Variants in BCAS4 observed in about 807,000 individuals in gnomAD.
BCAS4 encodes breast carcinoma amplified sequence 4.
BCAS4 carries 9 observed loss-of-function variants against 15.7 expected under a neutral mutation model. That is an observed-to-expected ratio of 0.57 (90% CI 0.34 to 1.00). The LOEUF is 1.00. BCAS4 is among the 50% of genes least tolerant of loss of function. BCAS4 has a pLI of 0.02. For synonymous variants in BCAS4, 101 were observed against 99.5 expected, an observed-to-expected ratio of 1.02 and a Z score of -0.09; for missense variants, 225 against 239.1, an observed-to-expected ratio of 0.94 and a Z score of 0.39.
chr20:50,860,614 G>C (rs945644403), intron 4 of BCAS4, among the ~76,000 whole-genome samples: 1 of 152,182 alleles, frequency 6.6e-6, no homozygotes, highest in Non-Finnish European at 1.5e-5. Context: ...GGTGGCTCAC[G>C]CCTATAATCC....
chr20:50,804,982 A>G (rs1369549728), intron 1 of BCAS4, among the ~76,000 whole-genome samples: 1 of 152,042 alleles, frequency 6.6e-6, no homozygotes, highest in African/African-American at 2.4e-5. Flanking sequence ...CATCGCTTTC[A>G]TCTTGTGCAT....
intron 2 of BCAS4, among the ~76,000 whole-genome samples, chr20:50,823,913 G>A (rs535401469): frequency 3.7e-4 from 56 of 152,064 alleles, no homozygotes; most frequent in Non-Finnish European, 6.9e-4. Context: ...GTCCACTTAC[G>A]AGCTGTGAAC....
chr20:50,858,835 T>C (rs1379599615), intron 4 of BCAS4, among the ~76,000 whole-genome samples: 1 of 148,052 alleles, frequency 6.8e-6, no homozygotes, highest in Non-Finnish European at 1.5e-5. Context: ...CGAGCAATCC[T>C]ACCACCTCAG....
chr20:50,829,658 T>C (rs1260671227), intron 2 of BCAS4, among the ~76,000 whole-genome samples: 5 of 152,030 alleles, frequency 3.3e-5, no homozygotes, highest in Non-Finnish European at 7.4e-5. Context: ...TTAGGCTTGG[T>C]CCTTGGGTTC....
At chr20:50,821,781 A>C (rs2088219715) in intron 2 of BCAS4, among the ~76,000 whole-genome samples, 1 of 152,180 alleles carries the variant, frequency 6.6e-6, no homozygotes, top group Admixed American at 6.5e-5. Context: ...CTGCTCTATT[A>C]GTTCTTCCAT....
At chr20:50,866,473 C>G (rs111460147) in intron 4 of BCAS4, among the ~76,000 whole-genome samples, 1 of 152,238 alleles carries the variant, frequency 6.6e-6, no homozygotes, top group Admixed American at 6.5e-5. Flanking sequence ...TGTGGGCCTG[C>G]GGTGGCCAGA....
rs1458693005 is a variant in BCAS4 at position 50,876,667 on chromosome 20, TG to T, written c.*64del. The T allele has an allele frequency of 1.9e-6, 3 of 1,556,038 alleles. No homozygotes were observed. Among genetic ancestry groups the T allele is most frequent in the South Asian group, 1.2e-5 (1 of 81,834 alleles). On this transcript the variant is annotated 3_prime_UTR_variant, in exon 5 of 5. Transcript: ENST00000371608. The stretch of plus-strand genomic sequence containing the variant: ...GTGACATTGTGTACACACTGCAGCT[TG>T]GGGGTTTTTTCTTTGTATTGCTGTT...
intron 4 of BCAS4, among the ~76,000 whole-genome samples, chr20:50,850,402 C>G (rs1352450897): frequency 6.6e-6 from 1 of 152,238 alleles, no homozygotes; most frequent in African/African-American, 2.4e-5. Flanking sequence ...CTCTACCTCC[C>G]TCTGTGAGCT....
intron 4 of BCAS4, among the ~76,000 whole-genome samples, chr20:50,853,071 C>T (rs1978528699): frequency 6.6e-6 from 1 of 152,008 alleles, no homozygotes; most frequent in Non-Finnish European, 1.5e-5. Flanking sequence ...ACTTTTTGAG[C>T]CAAACACATG....
At chr20:50,823,960 T>G (rs1167506576) in intron 2 of BCAS4, among the ~76,000 whole-genome samples, 1 of 152,166 alleles carries the variant, frequency 6.6e-6, no homozygotes, top group Non-Finnish European at 1.5e-5. Flanking sequence ...TAAAGATCGT[T>G]GCTGAGCACA....
downstream of BCAS4, chr20:50,881,476 A>G (rs984995113): frequency 6.6e-6 from 1 of 152,186 alleles, no homozygotes; most frequent in African/African-American, 2.4e-5. Flanking sequence ...AATCTCCCTA[A>G]AAAATGTCAC....
intron 1 of BCAS4, among the ~76,000 whole-genome samples, chr20:50,801,297 G>A (rs1335923264): frequency 6.6e-6 from 1 of 152,130 alleles, no homozygotes; most frequent in Non-Finnish European, 1.5e-5. Flanking sequence ...GTAGTGGCAG[G>A]TGCCTGTAAT....
At chr20:50,879,674 A>G (rs1325417694), downstream of BCAS4, 3 of 152,216 alleles carry the variant, frequency 2.0e-5, no homozygotes, top group East Asian at 5.8e-4. Context: ...GTTGGAAGGA[A>G]ATCCCATGTG....
rs112990046 is a variant in BCAS4, at chr20:50,809,779, T to C, written c.91-8432T>C. On this transcript the variant is annotated intron_variant, in intron 1 of 4. Transcript: ENST00000371608. ...ATTTGTTTGTGTCGTCAGTGGTTTGTTTCATCAGTGTTTTGTAGTTTTCTT... is the reference window on the plus strand; with the variant it reads ...ATTTGTTTGTGTCGTCAGTGGTTTGCTTCATCAGTGTTTTGTAGTTTTCTT... 6.6e-3 allele frequency among the ~76,000 whole-genome samples: 1,002 copies of C among 152,306 alleles called. 6 individuals carry two copies. Among genetic ancestry groups the C allele is most frequent in the African/African-American group, 0.023 (964 of 41,564 alleles).
intron 4 of BCAS4, among the ~76,000 whole-genome samples, chr20:50,842,482 T>C (rs2088496991): frequency 3.1e-5 from 3 of 97,570 alleles, no homozygotes; most frequent in South Asian, 8.4e-4. Context: ...AGTGGCGTGA[T>C]CTCAGCTCAC....
intron 4 of BCAS4, among the ~76,000 whole-genome samples, chr20:50,852,599 C>G (rs747859392): frequency 3.3e-5 from 5 of 152,168 alleles, no homozygotes; most frequent in Non-Finnish European, 7.3e-5. Context: ...CCAGGCCGGT[C>G]TTGAACTCCT....
chr20:50,801,177 A>G (rs6020754), intron 1 of BCAS4, among the ~76,000 whole-genome samples: 3 of 152,220 alleles, frequency 2.0e-5, no homozygotes, highest in African/African-American at 7.2e-5. Flanking sequence ...CTGTAATTCT[A>G]GCACTTTGGG....
At chr20:50,875,060 C>T (rs900354313) in intron 4 of BCAS4, among the ~76,000 whole-genome samples, 2 of 152,194 alleles carry the variant, frequency 1.3e-5, no homozygotes, top group African/African-American at 2.4e-5. Context: ...TGGTGCAGGC[C>T]GTGGTCCTTA....
rs1054175958 is a variant in BCAS4, at chr20:50,863,248, CTTTTTTTTT to C, written c.400-13219_400-13211del. 2.6e-4 allele frequency among the ~76,000 whole-genome samples: 22 copies of C among 86,094 alleles called. No homozygotes were observed. In the South Asian group the frequency reaches 7.7e-3, roughly 30 times the overall value. The allele number at this position is 86,094 out of a possible 152,430, so 56.5% of individuals were successfully genotyped here. A position where few individuals can be genotyped will look rare whatever the true frequency, so the allele number is the denominator to read the frequency against. On this transcript the variant is annotated intron_variant, in intron 4 of 4. Coordinates refer to ENST00000371608, the MANE Select transcript of BCAS4 (RefSeq NM_198799.4). Reference sequence around the variant, plus strand: ...GTTTTCTTCCCAGAGCTAACTGGTGCTTTTTTTTTTTTTTTTTTTTTTTTTTTGAGACGG... The same window carrying C: ...GTTTTCTTCCCAGAGCTAACTGGTGCTTTTTTTTTTTTTTTTTTGAGACGG...
Sources: gnomAD v4.1 joint callset for allele counts (sites outside exome capture counted in the v4.1 genomes callset) on GRCh38, gnomAD v4.1.1 for gene constraint, MANE v1.5 for transcripts, NCBI Gene and HGNC (gene_info 2026-07-23, HGNC 2026-07-21) for gene names.